TRIM17: variants seen among roughly 807,000 people sequenced by gnomAD.
The protein encoded by TRIM17 is E3 ubiquitin-protein ligase TRIM17.
A neutral mutation model predicts 35.8 loss-of-function variants in TRIM17; 27 were observed. The ratio of observed to expected loss-of-function variants is 0.75; its 90% CI spans 0.56 to 1.04. The LOEUF is 1.04. Ranked by LOEUF, TRIM17 falls within the 50% of genes least tolerant of loss-of-function variation. TRIM17 has a pLI of 0.00. For missense variants in TRIM17, 582 were observed against 612.8 expected, an observed-to-expected ratio of 0.95 and a Z score of 0.53; for synonymous variants, 246 against 252.6, an observed-to-expected ratio of 0.97 and a Z score of 0.25.
intron 3 of TRIM17, among the ~76,000 whole-genome samples, chr1:228,412,053 CT>C (rs1294240880): frequency 6.6e-6 from 1 of 152,200 alleles, no homozygotes; most frequent in East Asian, 1.9e-4. Flanking sequence ...TTTGTTTTTC[CT>C]TTTTCCATGA....
Position 228,413,816 on chromosome 1 carries a change from T to G in TRIM17, c.506A>C (p.Gln169Pro), listed in dbSNP as rs561020775. The G allele has an allele frequency of 6.2e-7, 1 of 1,614,208 alleles. No homozygotes were observed. Among genetic ancestry groups the G allele is most frequent in the African/African-American group, 1.3e-5 (1 of 75,064 alleles). ...ACCCACCTGCCACTCGGCTAAGCTCTGCTCCTCCCTGGCCTGCAGATTCCC... is the reference window on the plus strand; with the variant it reads ...ACCCACCTGCCACTCGGCTAAGCTCGGCTCCTCCCTGGCCTGCAGATTCCC... ...RTGNLQAREEQSLAEWQGKVK... is the reference protein window; with the variant it reads ...RTGNLQAREEPSLAEWQGKVK... Residue 169 changes from glutamine (Q) to proline (P), a missense_variant, in exon 3 of 7, where the codon CAG (glutamine) becomes CCG (proline). Gln to Pro is a moderately conservative substitution (Grantham distance 76). Transcript: ENST00000366698.
Position 228,408,340 on chromosome 1 carries a change from TAGA to T in TRIM17, c.1292_1294del (p.Phe431del), listed in dbSNP as rs563004573. 4.3e-4 allele frequency: 697 copies of T among 1,614,006 alleles called. 5 individuals are homozygous for T. In the African/African-American group the frequency reaches 8.4e-3, roughly 19 times the overall value. ...CAGGTGGGACCCATCGCTTACACTGTAGAAGGACACTTCCCCGGCTTCGAAGTC... is the reference window on the plus strand; with the variant it reads ...CAGGTGGGACCCATCGCTTACACTGTAGGACACTTCCCCGGCTTCGAAGTC... On this transcript the variant is annotated inframe_deletion, in exon 7 of 7. Coordinates refer to ENST00000366698, the MANE Select transcript of TRIM17 (RefSeq NM_016102.4). The surrounding 1 kb of genome is among the most constrained non-coding windows in gnomAD (Gnocchi z 6.3).
In TRIM17 at chr1:228,408,002, T is replaced by C. The variant is rs1469095741; in HGVS notation, c.*199A>G. On this transcript the variant is annotated 3_prime_UTR_variant, in exon 7 of 7. Transcript: ENST00000366698. The surrounding 1 kb of genome is among the most constrained non-coding windows in gnomAD (Gnocchi z 6.3). ...AACGCAGGGGCTTTCAAAAGTTTCC[T>C]CTAGGAAGCATCTGTCAGTATACCC... 8.8e-6 allele frequency: 4 copies of C among 452,724 alleles called. No homozygotes were observed. In the Admixed American group the frequency reaches 1.6e-4, roughly 18 times the overall value. The allele number at this position is 452,724 out of a possible 1,614,324, so 28.0% of individuals were successfully genotyped here. A position where few individuals can be genotyped will look rare whatever the true frequency, so the allele number is the denominator to read the frequency against.
rs1026922456 is a variant in TRIM17 at position 228,410,444 on chromosome 1, C to G, written c.756+502G>C. ...CACACCGAGACATGGAGTCCCTGTC[C>G]CAAAGCCACACCTGGCTGCCAGGTG... On this transcript the variant is annotated intron_variant, in intron 4 of 6. Coordinates refer to ENST00000366698, the MANE Select transcript of TRIM17 (RefSeq NM_016102.4). The surrounding 1 kb of genome is among the most constrained non-coding windows in gnomAD (Gnocchi z 4.6). Among the ~76,000 whole-genome samples, 7 of 151,536 alleles carry G rather than the reference C, an allele frequency of 4.6e-5. No homozygotes were observed. The highest frequency in any genetic ancestry group is 7.4e-5 in the Non-Finnish European group (5 of 67,882).
chr1:228,408,981 A>C lies in TRIM17; in HGVS notation c.883+191T>G. Reference sequence around the variant, plus strand: ...GGGCAGAGAGACCACTGGGAACTCAACAAGATTCATCCCATGAATTAGAAC... The same window carrying C: ...GGGCAGAGAGACCACTGGGAACTCACCAAGATTCATCCCATGAATTAGAAC... On this transcript the variant is annotated intron_variant, in intron 6 of 6. Coordinates refer to ENST00000366698, the MANE Select transcript of TRIM17 (RefSeq NM_016102.4). This position sits in a 1 kb window ranked among gnomAD's most constrained non-coding sequence, Gnocchi z 6.3. The C allele has an allele frequency of 1.3e-6, 2 of 1,531,462 alleles. No individual in the cohort carries two copies. The highest frequency in any genetic ancestry group is 4.0e-5 in the Admixed American group (2 of 49,942). The allele number at this position is 1,531,462 out of a possible 1,614,324, so 94.9% of individuals were successfully genotyped here.
intron 1 of TRIM17, 107 bp from the exon 2 acceptor site, chr1:228,415,220 G>T: frequency 1.2e-6 from 1 of 851,320 alleles, no homozygotes; most frequent in Non-Finnish European, 1.8e-6. Flanking sequence ...AGTCCAGTTA[G>T]AGAGTCCAGA....
At position 228,408,201 on chromosome 1, in the gene TRIM17, C is replaced by CT. The variant is rs1656542495; in HGVS notation, c.1433dup (p.Ter478=). 2 of 1,524,606 alleles carry CT rather than the reference C, an allele frequency of 1.3e-6. No homozygotes were observed. Among genetic ancestry groups the CT allele is most frequent in the African/African-American group, 2.8e-5 (2 of 72,040 alleles). 94.4% of individuals were successfully genotyped at this position (1,524,606 alleles called of 1,614,324 possible). Residue 478 remains the stop codon, a frameshift_variant and stop_retained_variant, in exon 7 of 7, where the codon TAG becomes TAAG. Transcript: ENST00000366698. LOFTEE classifies it high-confidence loss of function. The surrounding 1 kb of genome is among the most constrained non-coding windows in gnomAD (Gnocchi z 6.3). ...ISTVTMWVKG[*] is the part of the protein sequence containing the mutation. ...AGTGCCCGAGTCCCCCGGTCTGTGT[C>CT]TATCCTTTCACCCACATGGTCACTG...
chr1:228,410,853 T>C lies in TRIM17; in HGVS notation c.756+93A>G. 1.1e-6 allele frequency: 1 copy of C among 912,880 alleles called. No homozygotes were observed. Among genetic ancestry groups the C allele is most frequent in the African/African-American group, 1.7e-5 (1 of 59,662 alleles). 56.5% of individuals were successfully genotyped at this position (912,880 alleles called of 1,614,324 possible). A position where few individuals can be genotyped will look rare whatever the true frequency, so the allele number is the denominator to read the frequency against. ...AGCAGACTGGGAGCTAACAGCCCTTTCCCGTTGGCTGCCTCTTCCCCAAGC... is the reference window on the plus strand; with the variant it reads ...AGCAGACTGGGAGCTAACAGCCCTTCCCCGTTGGCTGCCTCTTCCCCAAGC... On this transcript the variant is annotated intron_variant, in intron 4 of 6. Coordinates refer to ENST00000366698, the MANE Select transcript of TRIM17 (RefSeq NM_016102.4). The surrounding 1 kb of genome is among the most constrained non-coding windows in gnomAD (Gnocchi z 4.6).
At chr1:228,415,478 G>C (rs888801173) in intron 1 of TRIM17, 1 of 178,864 alleles carries the variant, frequency 5.6e-6, no homozygotes, top group African/African-American at 2.4e-5. Flanking sequence ...GGTCAGCTTA[G>C]GGAGAAGCCC....
intron 3 of TRIM17, among the ~76,000 whole-genome samples, chr1:228,412,737 T>C (rs1656851842): frequency 6.6e-6 from 1 of 151,066 alleles, no homozygotes; most frequent in South Asian, 2.1e-4. Flanking sequence ...ATCACTGTGC[T>C]CCAGCCTGGG....
chr1:228,408,285 G>T lies in TRIM17; in HGVS notation c.1350C>A (p.Gly450=). The change falls in exon 7 of 7, where the codon GGC becomes GGA. Residue 450 remains glycine (G), a synonymous_variant. Transcript: ENST00000366698. This position sits in a 1 kb window ranked among gnomAD's most constrained non-coding sequence, Gnocchi z 6.3. The part of the protein sequence containing the change: ...LHTYSQATFP[G]PLQPFFCLGA... ...CCAGGCAGAAGAAAGGCTGCAGGGG[G>T]CCTGGGAAGGTGGCCTGGGAGTAGG... 1 of 1,602,542 alleles carries T rather than the reference G, an allele frequency of 6.2e-7. No homozygotes were observed. Among genetic ancestry groups the T allele is most frequent in the South Asian group, 1.1e-5 (1 of 89,648 alleles).
In TRIM17 at chr1:228,411,174, G is replaced by T. The variant is rs1656767059; in HGVS notation, c.528C>A (p.Gly176=). 6.2e-7 allele frequency: 1 copy of T among 1,605,654 alleles called. No individual in the cohort carries two copies. The highest frequency in any genetic ancestry group is 8.5e-7 in the Non-Finnish European group (1 of 1,175,976). The change falls in exon 4 of 7, where the codon GGC becomes GGA. Residue 176 remains glycine (G), a splice_region_variant and synonymous_variant. Transcript: ENST00000366698. The surrounding 1 kb of genome is among the most constrained non-coding windows in gnomAD (Gnocchi z 4.2). ...REEQSLAEWQ[G]KVKERRERIV... Reference sequence around the variant, plus strand: ...TGCGTTCTCTCCGCTCCTTCACCTTGCCCTGCAGGAGTGGAGAAGCCCAGC... The same window carrying T: ...TGCGTTCTCTCCGCTCCTTCACCTTTCCCTGCAGGAGTGGAGAAGCCCAGC...
chr1:228,409,360 C>T (rs758688191), intron 5 of TRIM17, 29 bp downstream of exon 5: 31 of 1,592,098 alleles, frequency 1.9e-5, no homozygotes, highest in Non-Finnish European at 2.6e-5. Flanking sequence ...CTGCCACTGC[C>T]CCCGCCCCTG....
intron 3 of TRIM17, 137 bp downstream of exon 3, chr1:228,413,660 A>T (rs976244776): frequency 3.1e-6 from 2 of 655,276 alleles, no homozygotes; most frequent in Admixed American, 2.7e-5. Flanking sequence ...GGCCAGCCAC[A>T]GAACCTAGAA....
At position 228,412,595 on chromosome 1, in the gene TRIM17, CAAAAAAAAAAAAA is replaced by C. The variant is rs34002550; in HGVS notation, c.525+1189_525+1201del. 2.3e-4 allele frequency among the ~76,000 whole-genome samples: 11 copies of C among 47,426 alleles called. No homozygotes were observed. In the South Asian group the frequency reaches 0.013, roughly 55 times the overall value. The allele number at this position is 47,426 out of a possible 152,430, so 31.1% of individuals were successfully genotyped here. On this transcript the variant is annotated intron_variant, in intron 3 of 6. Transcript: ENST00000366698. ...GGGCAATAGCAAGACCTTGTCTCTA[CAAAAAAAAAAAAA>C]AAAAAAAAAAAAAAAGCTGGTCTTG...
rs2149097547 is a variant in TRIM17 at position 228,408,067 on chromosome 1, A to T, written c.*134T>A. 6.3e-6 allele frequency: 5 copies of T among 793,212 alleles called. No homozygotes were observed. In the East Asian group the frequency reaches 1.3e-4, roughly 21 times the overall value. The allele number at this position is 793,212 out of a possible 1,614,324, so 49.1% of individuals were successfully genotyped here. A position where few individuals can be genotyped will look rare whatever the true frequency, so the allele number is the denominator to read the frequency against. ...AGTTCTAATCACAATTATATTTAGAATTTGAGAAACCCCCCTGTGTGTCTA... is the reference window on the plus strand; with the variant it reads ...AGTTCTAATCACAATTATATTTAGATTTTGAGAAACCCCCCTGTGTGTCTA... On this transcript the variant is annotated 3_prime_UTR_variant, in exon 7 of 7. Transcript: ENST00000366698. This position sits in a 1 kb window ranked among gnomAD's most constrained non-coding sequence, Gnocchi z 6.3.
In TRIM17 at chr1:228,414,912, C is replaced by T. The variant is rs779425968; in HGVS notation, c.161G>A (p.Arg54Gln). ...WEKARGKKGR[R>Q]KRKGSFPCPE... ...GCAGGGGAAGGAGCCCTTCCGCTTC[C>T]GCCTCCCCTTCTTGCCCCTCGCCTT... The change falls in exon 2 of 7, where the codon CGG (arginine) becomes CAG (glutamine). Residue 54 changes from arginine (R) to glutamine (Q), a missense_variant. Coordinates refer to ENST00000366698, the MANE Select transcript of TRIM17 (RefSeq NM_016102.4). 73 of 1,613,428 alleles carry T rather than the reference C, an allele frequency of 4.5e-5. No individual in the cohort carries two copies. The highest frequency in any genetic ancestry group is 5.3e-5 in the Non-Finnish European group (62 of 1,180,020).
At chr1:228,413,090 A>C (rs2149110008) in intron 3 of TRIM17, among the ~76,000 whole-genome samples, 1 of 151,982 alleles carries the variant, frequency 6.6e-6, no homozygotes, top group East Asian at 1.9e-4. Flanking sequence ...GGGCACCTAT[A>C]GTCCCAGCTG....
chr1:228,412,595 CAAAAAAAA>C (rs34002550), intron 3 of TRIM17, among the ~76,000 whole-genome samples: 4 of 47,410 alleles, frequency 8.4e-5, no homozygotes, highest in African/African-American at 2.9e-4. Context: ...CTTGTCTCTA[CAAAAAAAA>C]AAAAAAAAAA....
Sources: allele counts gnomAD v4.1 joint callset (sites outside exome capture counted in the v4.1 genomes callset), GRCh38; gene constraint gnomAD v4.1.1; non-coding constraint Gnocchi (gnomAD v3.1); transcripts MANE v1.5; gene names NCBI Gene and HGNC (gene_info 2026-07-23, HGNC 2026-07-21).